CSNK1G1: variants seen among roughly 807,000 people sequenced by gnomAD.
CSNK1G1 encodes the protein casein kinase 1 gamma 1.
Under a neutral mutation model 59.6 loss-of-function variants are expected in CSNK1G1, and 22 were observed. That is an observed-to-expected ratio of 0.37 (90% confidence interval 0.26 to 0.53). The LOEUF (loss-of-function observed/expected upper bound fraction) is 0.53, where lower values mean the gene tolerates loss of function less well. Ranked by LOEUF, CSNK1G1 falls within the 20% of genes least tolerant of loss-of-function variation. The pLI, the probability that CSNK1G1 is intolerant of heterozygous loss-of-function variation, is 0.89. For missense variants in CSNK1G1, 384 were observed against 519.5 expected (o/e 0.74, Z 2.54); for synonymous variants, 179 against 177.1 (o/e 1.01, Z -0.08).
intron 2 of CSNK1G1, among the ~76,000 whole-genome samples, chr15:64,259,691 A>C (rs1409551258): frequency 2.0e-5 from 3 of 152,150 alleles, no homozygotes; most frequent in African/African-American, 7.2e-5. Flanking sequence ...TTTCGTGTCA[A>C]CTTTGGATGG....
At chr15:64,201,054 C>T (rs572670168) in intron 10 of CSNK1G1, among the ~76,000 whole-genome samples, 2 of 152,118 alleles carry the variant, frequency 1.3e-5, no homozygotes, top group African/African-American at 4.8e-5. Context: ...GGTGGATGAC[C>T]TGAAGTCAGG....
At chr15:64,191,282 G>A (rs576693772) in intron 10 of CSNK1G1, among the ~76,000 whole-genome samples, 11 of 152,022 alleles carry the variant, frequency 7.2e-5, no homozygotes, top group South Asian at 4.2e-4. Flanking sequence ...GGATGGTCTC[G>A]ATTTCCTGAC....
chr15:64,289,332 CTG>C (rs779746597), intron 2 of CSNK1G1, among the ~76,000 whole-genome samples: 4 of 152,128 alleles, frequency 2.6e-5, no homozygotes, highest in Non-Finnish European at 4.4e-5. Context: ...GCAATGCAGA[CTG>C]TGTGTCACCT....
At chr15:64,219,994 G>A (rs1177005275) in intron 4 of CSNK1G1, among the ~76,000 whole-genome samples, 2 of 151,762 alleles carry the variant, frequency 1.3e-5, no homozygotes, top group Admixed American at 6.6e-5. Flanking sequence ...GGATAGTCTC[G>A]ATCTCCTGAC....
intron 1 of CSNK1G1, among the ~76,000 whole-genome samples, chr15:64,302,513 G>C (rs533975079): frequency 6.6e-6 from 1 of 152,006 alleles, no homozygotes; most frequent in Admixed American, 6.6e-5. Flanking sequence ...AAATCAAAGC[G>C]ATCAAAGGAG....
At chr15:64,215,416 G>A (rs34553340) in intron 5 of CSNK1G1, among the ~76,000 whole-genome samples, 1,663 of 151,744 alleles carry the variant, frequency 0.011, 14 homozygotes, top group Non-Finnish European at 0.015. Flanking sequence ...GTTTCACTGC[G>A]TTAGCCAGGA....
rs2081645637 is a variant in CSNK1G1 at position 64,169,917 on chromosome 15, G to A, written c.*2014C>T. ...TAATGTTATTTCTGCTCTGTGTAAGGTACATCAAGGGAATTTTTCAAGAAA... is the reference window on the plus strand; with the variant it reads ...TAATGTTATTTCTGCTCTGTGTAAGATACATCAAGGGAATTTTTCAAGAAA... On this transcript the variant is annotated 3_prime_UTR_variant, in exon 12 of 12. Transcript: ENST00000303052. 1 of 152,106 alleles carries A rather than the reference G, an allele frequency of 6.6e-6. No homozygotes were observed. Among genetic ancestry groups the A allele is most frequent in the Non-Finnish European group, 1.5e-5 (1 of 68,034 alleles). The allele number at this position is 152,106 out of a possible 1,614,324, so 9.4% of individuals were successfully genotyped here. A position where few individuals can be genotyped will look rare whatever the true frequency, so the allele number is the denominator to read the frequency against.
chr15:64,194,885 C>T (rs2082020054), intron 10 of CSNK1G1: 2 of 152,156 alleles, frequency 1.3e-5, no homozygotes, highest in Admixed American at 6.5e-5. Flanking sequence ...ATCCAAAACA[C>T]TCTTTTACTG....
chr15:64,233,449 C>T (rs972242918), intron 4 of CSNK1G1, among the ~76,000 whole-genome samples: 2 of 151,980 alleles, frequency 1.3e-5, no homozygotes, highest in Non-Finnish European at 2.9e-5. Flanking sequence ...CTATGTGGCT[C>T]AGGTGATTTA....
At chr15:64,195,341 C>T (rs2082025099) in intron 10 of CSNK1G1, among the ~76,000 whole-genome samples, 1 of 152,182 alleles carries the variant, frequency 6.6e-6, no homozygotes, top group Non-Finnish European at 1.5e-5. Context: ...TTCTTTTTCA[C>T]ATACCCACAA....
chr15:64,211,520 C>T (rs902444239), intron 6 of CSNK1G1, among the ~76,000 whole-genome samples: 4 of 152,098 alleles, frequency 2.6e-5, no homozygotes, highest in African/African-American at 7.2e-5. Flanking sequence ...AATGGCAGTA[C>T]ACCAAGAGAT....
At chr15:64,212,188 G>A (rs1374420739) in intron 6 of CSNK1G1, among the ~76,000 whole-genome samples, 1 of 152,186 alleles carries the variant, frequency 6.6e-6, no homozygotes, top group Non-Finnish European at 1.5e-5. Flanking sequence ...CTGATAGTAA[G>A]TACCAGAGGA....
intron 9 of CSNK1G1, among the ~76,000 whole-genome samples, chr15:64,203,420 G>A (rs1219231812): frequency 6.6e-6 from 1 of 152,076 alleles, no homozygotes; most frequent in Non-Finnish European, 1.5e-5. Flanking sequence ...AACCAGGGCC[G>A]GGCGCGGTGG....
intron 4 of CSNK1G1, among the ~76,000 whole-genome samples, chr15:64,234,996 G>GT (rs1457677196): frequency 6.6e-6 from 1 of 152,178 alleles, no homozygotes; most frequent in African/African-American, 2.4e-5. Flanking sequence ...GAGAAGGCTG[G>GT]TAATGTAGAC....
At chr15:64,294,270 C>T (rs1000435508) in intron 2 of CSNK1G1, among the ~76,000 whole-genome samples, 1 of 152,010 alleles carries the variant, frequency 6.6e-6, no homozygotes, top group Non-Finnish European at 1.5e-5. Flanking sequence ...GATGGGGTTT[C>T]ACCATGTTGG....
At chr15:64,265,785 T>C (rs753065453) in intron 2 of CSNK1G1, 38 of 456,060 alleles carry the variant, frequency 8.3e-5, no homozygotes, top group South Asian at 2.9e-4. Context: ...AATATATCCA[T>C]TGGAAGAAAA....
At chr15:64,308,859 T>C (rs960666102) in intron 1 of CSNK1G1, among the ~76,000 whole-genome samples, 3 of 150,978 alleles carry the variant, frequency 2.0e-5, no homozygotes, top group Non-Finnish European at 2.9e-5. Flanking sequence ...ATCACGCCAC[T>C]GCACTCCAGC....
chr15:64,209,507 G>C (rs1418614462), intron 6 of CSNK1G1, among the ~76,000 whole-genome samples: 1 of 152,162 alleles, frequency 6.6e-6, no homozygotes, highest in Non-Finnish European at 1.5e-5. Context: ...TAATGGGAAG[G>C]AGAGGTACCC....
chr15:64,231,198 T>C (rs1329080079), intron 4 of CSNK1G1, among the ~76,000 whole-genome samples: 1 of 139,116 alleles, frequency 7.2e-6, no homozygotes, highest in Non-Finnish European at 1.5e-5. Context: ...GTGTGATGTA[T>C]GCCTGTGGTC....
Sources: allele counts gnomAD v4.1 joint callset (sites outside exome capture counted in the v4.1 genomes callset), GRCh38; gene constraint gnomAD v4.1.1; transcripts MANE v1.5; gene names NCBI Gene and HGNC (gene_info 2026-07-23, HGNC 2026-07-21).